CATSPERB: variants seen among roughly 807,000 people sequenced by gnomAD.
The protein encoded by CATSPERB is catsper channel auxiliary subunit beta.
A neutral mutation model predicts 128.3 loss-of-function variants in CATSPERB; 93 were observed. The ratio of observed to expected loss-of-function variants is 0.72; its 90% CI spans 0.61 to 0.86. The LOEUF is 0.86. CATSPERB is among the 40% of genes least tolerant of loss of function. The pLI, the probability that CATSPERB is intolerant of heterozygous loss-of-function variation, is 0.00. For missense variants in CATSPERB, 1,153 were observed against 1,329.5 expected (o/e 0.87, Z 2.06); for synonymous variants, 381 against 448.8 (o/e 0.85, Z 1.91).
rs577154653 is a variant in CATSPERB, at chr14:91,665,741, G to C, written c.1287+4073C>G. 6.6e-5 allele frequency among the ~76,000 whole-genome samples: 10 copies of C among 152,134 alleles called. No individual in the cohort carries two copies. The South Asian group carries it at 1.9e-3, about 29-fold the overall frequency. The stretch of plus-strand genomic sequence containing the variant: ...AAAAATTAGCTGGGTGTGGTGGCAG[G>C]TGCCTGTAATCCCAGCTACTTGGGA... On this transcript the variant is annotated intron_variant, in intron 14 of 26. Transcript: ENST00000256343.
intron 14 of CATSPERB, among the ~76,000 whole-genome samples, chr14:91,669,071 A>G (rs1051775742): frequency 8.5e-5 from 13 of 152,218 alleles, no homozygotes; most frequent in African/African-American, 2.9e-4. Flanking sequence ...ACAGTTCTTT[A>G]TAGCAGTGTG....
In CATSPERB at chr14:91,610,673, G is replaced by A; in HGVS notation, c.2405C>T (p.Ser802Leu). The A allele has an allele frequency of 6.2e-7, 1 of 1,613,844 alleles. No homozygotes were observed. The highest frequency in any genetic ancestry group is 8.5e-7 in the Non-Finnish European group (1 of 1,179,870). The change falls in exon 21 of 27, where the codon TCA becomes TTA. Residue 802 changes from serine to leucine, a missense_variant. Coordinates refer to ENST00000256343, the MANE Select transcript of CATSPERB (RefSeq NM_024764.4). Reference sequence around the variant, plus strand: ...CCACATAATAAATGCCAGTGAAGTTGAACCCTGGAAATAACCAAATAAATG... The same window carrying A: ...CCACATAATAAATGCCAGTGAAGTTAAACCCTGGAAATAACCAAATAAATG... ...SAASKVLHQG[S>L]TSLAFIMWSA... is the part of the protein sequence containing the mutation.
intron 25 of CATSPERB, among the ~76,000 whole-genome samples, chr14:91,587,494 T>TTTTTTTTTTTTTTTTG (rs1893324729): frequency 6.7e-6 from 1 of 149,622 alleles, no homozygotes. Context: ...TTTTTTTTTT[T>TTTTTTTTTTTTTTTTG]TTTTTTTTTT....
chr14:91,625,049 T>G, intron 17 of CATSPERB, 42 bp from the exon 18 acceptor site: 6 of 1,270,392 alleles, frequency 4.7e-6, no homozygotes, highest in African/African-American at 1.5e-5. Flanking sequence ...GATAAAACAG[T>G]GGATTAAATG....
Position 91,723,215 on chromosome 14 carries a change from A to C in CATSPERB, c.169-26T>G, listed in dbSNP as rs200865130. 288 of 1,456,666 alleles carry C rather than the reference A, an allele frequency of 2.0e-4. 1 individual carries two copies. The African/African-American group carries it at 3.9e-3, about 20-fold the overall frequency. 90.2% of individuals were successfully genotyped at this position (1,456,666 alleles called of 1,614,324 possible). Reference sequence around the variant, plus strand: ...CTTTAGGAAAGCAAGAAAAAAAAAAACAACTAATAACCACTTGATGCAGAC... The same window carrying C: ...CTTTAGGAAAGCAAGAAAAAAAAAACCAACTAATAACCACTTGATGCAGAC... On this transcript the variant is annotated intron_variant, in intron 3 of 26. Coordinates refer to ENST00000256343, the MANE Select transcript of CATSPERB (RefSeq NM_024764.4).
chr14:91,597,925 G>GT (rs1566697905), intron 22 of CATSPERB, among the ~76,000 whole-genome samples: 2 of 151,562 alleles, frequency 1.3e-5, no homozygotes, highest in South Asian at 2.1e-4. Context: ...TTTTATCTCA[G>GT]TTTTTTTCCC....
Position 91,621,886 on chromosome 14 carries a change from G to A in CATSPERB, c.1982C>T (p.Pro661Leu). The A allele has an allele frequency of 6.2e-7, 1 of 1,613,716 alleles. No individual in the cohort carries two copies. The highest frequency in any genetic ancestry group is 2.2e-5 in the East Asian group (1 of 44,860). The change falls in exon 19 of 27, where the codon CCC becomes CTC. Residue 661 changes from proline to leucine, a missense_variant. Pro to Leu is a moderately conservative substitution (Grantham distance 98). Transcript: ENST00000256343. ...TGTGATGAGGAAGCTGCTGTACCCG[G>A]GAAGCACTACAGTCTTCTCTATATC... ...DTDIEKTVVLPGYSSFLITSI... is the reference protein window; with the variant it reads ...DTDIEKTVVLLGYSSFLITSI...
At chr14:91,731,177 T>C (rs973664228) in intron 1 of CATSPERB, among the ~76,000 whole-genome samples, 7 of 152,138 alleles carry the variant, frequency 4.6e-5, no homozygotes, top group African/African-American at 1.7e-4. Context: ...CTCGAGAGAG[T>C]TAGTATGAAG....
intron 15 of CATSPERB, among the ~76,000 whole-genome samples, chr14:91,651,820 G>C (rs557006039): frequency 6.6e-6 from 1 of 152,248 alleles, no homozygotes; most frequent in South Asian, 2.1e-4. Context: ...GGATATATTG[G>C]AGAGCTTACA....
At chr14:91,711,512 T>G (rs781391599) in intron 5 of CATSPERB, among the ~76,000 whole-genome samples, 2 of 152,222 alleles carry the variant, frequency 1.3e-5, no homozygotes, top group Non-Finnish European at 2.9e-5. Context: ...ATTACAGGCA[T>G]GAGCCACTGC....
chr14:91,605,080 T>C (rs1893675981), intron 22 of CATSPERB: 5 of 1,235,448 alleles, frequency 4.0e-6, no homozygotes, highest in East Asian at 4.6e-5. Flanking sequence ...CACTCTTCTC[T>C]GCAGAAGTGG....
chr14:91,610,396 T>C (rs986796205), intron 21 of CATSPERB, 84 bp downstream of exon 21: 1 of 1,065,910 alleles, frequency 9.4e-7, no homozygotes, highest in Non-Finnish European at 1.4e-6. Flanking sequence ...ACAAAAGAAA[T>C]GCTGAAACTG....
In CATSPERB at chr14:91,671,770, G is replaced by A. The variant is rs184961748; in HGVS notation, c.1128+1097C>T. The stretch of plus-strand genomic sequence containing the variant: ...TAACCGTCCAGGCTCGGTGGCTCAC[G>A]CTTGTAATCCCAGCACTTTGGGAGG... On this transcript the variant is annotated intron_variant, in intron 13 of 26. Coordinates refer to ENST00000256343, the MANE Select transcript of CATSPERB (RefSeq NM_024764.4). Among the ~76,000 whole-genome samples the A allele has an allele frequency of 4.3e-3, 655 of 151,576 alleles. 10 individuals are homozygous for A. The highest frequency in any genetic ancestry group is 0.015 in the African/African-American group (613 of 41,248).
rs988026474 is a variant in CATSPERB at position 91,665,897 on chromosome 14, G to A, written c.1287+3917C>T. Among the ~76,000 whole-genome samples, 14 of 152,222 alleles carry A rather than the reference G, an allele frequency of 9.2e-5. 1 individual carries two copies. Among genetic ancestry groups the A allele is most frequent in the South Asian group, 6.2e-4 (3 of 4,814 alleles). On this transcript the variant is annotated intron_variant, in intron 14 of 26. Transcript: ENST00000256343. ...AAAACCCCCAAACGGATATGGTTAG[G>A]CTTTGTGTCCCTACCCAGATCTCAT...
intron 11 of CATSPERB, among the ~76,000 whole-genome samples, chr14:91,679,088 T>C (rs1193253603): frequency 1.3e-5 from 2 of 152,162 alleles, no homozygotes; most frequent in Non-Finnish European, 2.9e-5. Flanking sequence ...AAACTTTAAA[T>C]GAAATTTAAA....
intron 6 of CATSPERB, 66 bp from the exon 7 acceptor site, chr14:91,704,767 T>C (rs1337188488): frequency 9.0e-5 from 134 of 1,496,672 alleles, no homozygotes; most frequent in Non-Finnish European, 1.2e-4. Context: ...CTACTTTCCT[T>C]TAAAGGTTTT....
Position 91,693,122 on chromosome 14 carries a change from A to G in CATSPERB, c.831+4T>C, listed in dbSNP as rs772999279. ...AGCTATTAGTTACAAAGCAATTTAC[A>G]TACCGATAAGCTGTGGCGTGATGGA... On this transcript the variant is annotated splice_donor_region_variant and intron_variant, in intron 9 of 26. Transcript: ENST00000256343. The G allele has an allele frequency of 1.3e-6, 2 of 1,585,092 alleles. No homozygotes were observed. Among genetic ancestry groups the G allele is most frequent in the East Asian group, 2.2e-5 (1 of 44,688 alleles).
chr14:91,649,767 G>C (rs1456931028), intron 15 of CATSPERB, among the ~76,000 whole-genome samples: 4 of 151,672 alleles, frequency 2.6e-5, no homozygotes, highest in Admixed American at 2.0e-4. Context: ...GCCTTTTAGG[G>C]ATGGCAAAAC....
chr14:91,700,478 G>A (rs369851156), intron 7 of CATSPERB, among the ~76,000 whole-genome samples: 2 of 152,236 alleles, frequency 1.3e-5, no homozygotes. Flanking sequence ...GTTTCAGTAG[G>A]ATTGGTGCCA....
Sources: gnomAD v4.1 joint callset for allele counts (sites outside exome capture counted in the v4.1 genomes callset) on GRCh38, gnomAD v4.1.1 for gene constraint, MANE v1.5 for transcripts, NCBI Gene and HGNC (gene_info 2026-07-23, HGNC 2026-07-21) for gene names.